RRAGD: variants seen among roughly 807,000 people sequenced by gnomAD.
RRAGD encodes ras-related GTP-binding protein D.
Under a neutral mutation model 35.5 loss-of-function variants are expected in RRAGD, and 12 were observed. That is an observed-to-expected ratio of 0.34 (90% CI 0.22 to 0.55). The LOEUF (loss-of-function observed/expected upper bound fraction) is 0.55. RRAGD is among the 20% of genes least tolerant of loss of function. The pLI is 0.91. For missense variants in RRAGD, 324 were observed against 490.1 expected, an observed-to-expected ratio of 0.66 and a Z score of 3.20; for synonymous variants, 155 against 178.9, an observed-to-expected ratio of 0.87 and a Z score of 1.07.
chr6:89,406,036 C>G (rs1183631391), intron 1 of RRAGD, among the ~76,000 whole-genome samples: 3 of 152,174 alleles, frequency 2.0e-5, no homozygotes, highest in Non-Finnish European at 4.4e-5. Context: ...TTTTCAAAGG[C>G]ATAAAGATTT....
Position 89,406,700 on chromosome 6 carries a change from AC to A in RRAGD, c.148+5145del, listed in dbSNP as rs1023540123. 9.3e-4 allele frequency among the ~76,000 whole-genome samples: 141 copies of A among 152,308 alleles called. 2 individuals are homozygous for A. Among genetic ancestry groups the A allele is most frequent in the African/African-American group, 3.3e-3 (138 of 41,558 alleles). On this transcript the variant is annotated intron_variant, in intron 1 of 6. Coordinates refer to ENST00000369415, the MANE Select transcript of RRAGD (RefSeq NM_021244.5). ...ATTCTTCCGGTACACCAAGGCAAGA[AC>A]CCAGGATACAGAAAGCACTCGGTCC...
Position 89,379,306 on chromosome 6 carries a change from A to G in RRAGD, c.677T>C (p.Ile226Thr). 1 of 1,600,566 alleles carries G rather than the reference A, an allele frequency of 6.2e-7. No individual in the cohort carries two copies. The highest frequency in any genetic ancestry group is 2.2e-5 in the East Asian group (1 of 44,724). The change falls in exon 4 of 7, where the codon ATA becomes ACA. Residue 226 changes from isoleucine to threonine, a missense_variant. Physicochemically the swap from Ile to Thr is moderately conservative, Grantham distance 89 (BLOSUM62 -1). Transcript: ENST00000369415. ...FYLTSIYDHS[I>T]FEAFSKVVQK... The stretch of plus-strand genomic sequence containing the variant: ...AACAACTTTGCTAAAAGCTTCAAAT[A>G]TTGAATGATCATATATGCTTGTCAG...
chr6:89,409,222 T>C (rs1208882370), intron 1 of RRAGD, among the ~76,000 whole-genome samples: 2 of 152,182 alleles, frequency 1.3e-5, no homozygotes, highest in Non-Finnish European at 2.9e-5. Flanking sequence ...GCATTACATA[T>C]CCACCTTTAG....
In RRAGD at chr6:89,411,825, A is replaced by AG; in HGVS notation, c.148+20_148+21insC. 6.5e-7 allele frequency: 1 copy of AG among 1,542,908 alleles called. No individual in the cohort carries two copies. Among genetic ancestry groups the AG allele is most frequent in the Non-Finnish European group, 8.7e-7 (1 of 1,148,512 alleles). Reference sequence around the variant, plus strand: ...GGGAGGAAAGGGGCGCGAGCCGAGGACGCGGGGGCCGGGCGCTCACCTCCC... The same window carrying AG: ...GGGAGGAAAGGGGCGCGAGCCGAGGAGCGCGGGGGCCGGGCGCTCACCTCCC... On this transcript the variant is annotated intron_variant, in intron 1 of 6. Coordinates refer to ENST00000369415, the MANE Select transcript of RRAGD (RefSeq NM_021244.5). The surrounding 1 kb of genome is among the most constrained non-coding windows in gnomAD (Gnocchi z 5.6).
At chr6:89,372,651 C>A (rs1466853332) in intron 5 of RRAGD, 66 bp from the exon 6 acceptor site, 13 of 1,462,282 alleles carry the variant, frequency 8.9e-6, no homozygotes, top group Non-Finnish European at 1.2e-5. Context: ...AAGCCAGTGA[C>A]AAGAGACCGG....
At position 89,365,922 on chromosome 6, in the gene RRAGD, AT is replaced by A. The variant is rs1768734166; in HGVS notation, c.*2133del. 6.6e-6 allele frequency: 1 copy of A among 152,230 alleles called. No individual in the cohort carries two copies. Among genetic ancestry groups the A allele is most frequent in the Admixed American group, 6.5e-5 (1 of 15,272 alleles). 9.4% of individuals were successfully genotyped at this position (152,230 alleles called of 1,614,324 possible). On this transcript the variant is annotated 3_prime_UTR_variant, in exon 7 of 7. Transcript: ENST00000369415. The stretch of plus-strand genomic sequence containing the variant: ...TTCAAAGTGAAACAACATGTAAAAA[AT>A]ATTAGAGAATTAGATTTATAACAAT...
chr6:89,394,296 G>GA (rs1317109325), intron 1 of RRAGD, among the ~76,000 whole-genome samples: 4 of 151,494 alleles, frequency 2.6e-5, no homozygotes, highest in Non-Finnish European at 4.4e-5. Flanking sequence ...AAAGAGAAGT[G>GA]AAAAAAAATT....
intron 5 of RRAGD, among the ~76,000 whole-genome samples, chr6:89,376,303 GT>G (rs60280623): frequency 0.14 from 4,917 of 36,256 alleles, 311 homozygotes; most frequent in East Asian, 0.5. Context: ...TGTGTGTGGT[GT>G]GTGTGTGTGT....
intron 1 of RRAGD, among the ~76,000 whole-genome samples, chr6:89,389,633 A>G (rs1261081647): frequency 6.6e-6 from 1 of 152,104 alleles, no homozygotes; most frequent in Admixed American, 6.6e-5. Context: ...TCGTTCTTGA[A>G]ACATATAGTA....
intron 2 of RRAGD, among the ~76,000 whole-genome samples, chr6:89,384,397 G>A (rs531195014): frequency 6.6e-6 from 1 of 152,258 alleles, no homozygotes; most frequent in Non-Finnish European, 1.5e-5. Flanking sequence ...AGGTTAGAGT[G>A]CAATGGCACA....
chr6:89,384,326 A>G (rs185648005), intron 2 of RRAGD, among the ~76,000 whole-genome samples: 47 of 152,190 alleles, frequency 3.1e-4, no homozygotes, highest in Middle Eastern at 6.8e-3. Context: ...TGCTTTTCCT[A>G]CTGTTTATTT....
chr6:89,376,441 C>T (rs1161596650), intron 5 of RRAGD, among the ~76,000 whole-genome samples: 1 of 151,768 alleles, frequency 6.6e-6, no homozygotes, highest in Non-Finnish European at 1.5e-5. Context: ...AAAGGCAGAG[C>T]GTCAAGCTGT....
At chr6:89,390,930 C>T (rs781621518) in intron 1 of RRAGD, among the ~76,000 whole-genome samples, 1 of 151,866 alleles carries the variant, frequency 6.6e-6, no homozygotes, top group Admixed American at 6.6e-5. Flanking sequence ...CACCATATGA[C>T]CTAGTAATTC....
At chr6:89,368,280 C>A (rs1768791997) in intron 6 of RRAGD, 73 bp from the exon 7 acceptor site, 2 of 1,398,006 alleles carry the variant, frequency 1.4e-6, no homozygotes, top group Non-Finnish European at 9.8e-7. Flanking sequence ...GACCCATGGC[C>A]AGGACAAGCC....
chr6:89,402,957 C>T (rs1390090919), intron 1 of RRAGD, among the ~76,000 whole-genome samples: 3 of 152,222 alleles, frequency 2.0e-5, no homozygotes, highest in Admixed American at 1.3e-4. Flanking sequence ...AAGGTGGTAA[C>T]ACTCATCCTT....
At chr6:89,394,428 A>G (rs1769294443) in intron 1 of RRAGD, among the ~76,000 whole-genome samples, 1 of 152,212 alleles carries the variant, frequency 6.6e-6, no homozygotes, top group African/African-American at 2.4e-5. Flanking sequence ...ACAGATCTTA[A>G]AAAGACAAAA....
chr6:89,370,966 TAAAC>T (rs71816739), intron 6 of RRAGD, among the ~76,000 whole-genome samples: 25,343 of 151,770 alleles, frequency 0.17, 2,530 homozygotes, highest in Middle Eastern at 0.24. Context: ...CTGATAAAAA[TAAAC>T]AATGTAAATT....
At chr6:89,376,300 GGTGTGTGTGTGTGT>G (rs34484330) in intron 5 of RRAGD, among the ~76,000 whole-genome samples, 1 of 141,772 alleles carries the variant, frequency 7.1e-6, no homozygotes, top group Non-Finnish European at 1.5e-5. Context: ...ATGTGTGTGT[GGTGTGTGTGTGTGT>G]GTGTGTGTGT....
At chr6:89,383,417 T>C (rs1769083714) in intron 2 of RRAGD, among the ~76,000 whole-genome samples, 1 of 152,336 alleles carries the variant, frequency 6.6e-6, no homozygotes, top group South Asian at 2.1e-4. Flanking sequence ...AATACTTGGT[T>C]GGTTAGAACA....
Sources: gnomAD v4.1 joint callset for allele counts (sites outside exome capture counted in the v4.1 genomes callset) on GRCh38, gnomAD v4.1.1 for gene constraint, Gnocchi (gnomAD v3.1) non-coding constraint, MANE v1.5 for transcripts, NCBI Gene and HGNC (gene_info 2026-07-23, HGNC 2026-07-21) for gene names.